Variants in HDAC9 observed in about 807,000 individuals in gnomAD.
HDAC9 encodes histone deacetylase 9, also known as MEF-2 interacting transcription repressor (MITR) protein.
In HDAC9, 41 loss-of-function variants were observed where a neutral mutation model predicts 139.4. The ratio of observed to expected loss-of-function variants is 0.29; its 90% CI spans 0.23 to 0.38. HDAC9 has a LOEUF of 0.38. Among genes scored for constraint, HDAC9 ranks in the 10% least tolerant of loss-of-function variants. HDAC9 has a pLI of 1.00. For synonymous variants in HDAC9, 517 were observed against 476.2 expected (o/e 1.09, Z -1.12); for missense variants, 1,147 against 1,297.0 (o/e 0.88, Z 1.78).
chr7:18,505,123 TTC>T (rs1176293066), intron 2 of HDAC9, among the ~76,000 whole-genome samples: 1 of 152,180 alleles, frequency 6.6e-6, no homozygotes, highest in Non-Finnish European at 1.5e-5. Context: ...GAAACCAAGC[TTC>T]TATGAGCGTG....
At chr7:18,431,873 G>T (rs1433403972) in intron 1 of HDAC9, among the ~76,000 whole-genome samples, 2 of 152,128 alleles carry the variant, frequency 1.3e-5, no homozygotes, top group Non-Finnish European at 2.9e-5. Context: ...TGAGAACTTG[G>T]TATCTGTAGA....
At chr7:18,392,781 T>G (rs1389473408) in intron 1 of HDAC9, among the ~76,000 whole-genome samples, 1 of 152,032 alleles carries the variant, frequency 6.6e-6, no homozygotes, top group Non-Finnish European at 1.5e-5. Flanking sequence ...CAGATATGAT[T>G]TAGACTAGAA....
At chr7:18,536,611 A>G (rs1023272797) in intron 2 of HDAC9, among the ~76,000 whole-genome samples, 1 of 152,224 alleles carries the variant, frequency 6.6e-6, no homozygotes, top group Non-Finnish European at 1.5e-5. Context: ...TCTAGCTAAT[A>G]CATTATGGTT....
intron 24 of HDAC9, among the ~76,000 whole-genome samples, chr7:18,967,444 A>G (rs747774705): frequency 6.6e-6 from 1 of 150,678 alleles, no homozygotes; most frequent in Admixed American, 6.6e-5. Flanking sequence ...TGATTATTCT[A>G]TATTTTTCAT....
At chr7:18,507,170 A>ATATTATTATTATTAG (rs1554448323) in intron 2 of HDAC9, among the ~76,000 whole-genome samples, 9 of 144,326 alleles carry the variant, frequency 6.2e-5, no homozygotes, top group African/African-American at 2.3e-4. Flanking sequence ...TATTCATTAC[A>ATATTATTATTATTAG]TATTATTATT....
chr7:18,619,970 C>G (rs1000496891), intron 6 of HDAC9, among the ~76,000 whole-genome samples: 25 of 152,134 alleles, frequency 1.6e-4, no homozygotes, highest in African/African-American at 5.8e-4. Context: ...ATACCTATCA[C>G]GTGGCACTGA....
At chr7:18,766,362 A>G (rs1250486933) in intron 15 of HDAC9, among the ~76,000 whole-genome samples, 1 of 152,228 alleles carries the variant, frequency 6.6e-6, no homozygotes, top group Non-Finnish European at 1.5e-5. Flanking sequence ...GTACAGGTAA[A>G]CAAAATAATT....
chr7:18,667,079 A>G, intron 12 of HDAC9: 2 of 985,322 alleles, frequency 2.0e-6, no homozygotes, highest in Non-Finnish European at 2.4e-6. Context: ...GTAGGTTGCA[A>G]TTGAACATAT....
intron 24 of HDAC9, among the ~76,000 whole-genome samples, chr7:18,972,754 G>A (rs923284038): frequency 1.3e-5 from 2 of 152,194 alleles, no homozygotes; most frequent in South Asian, 4.1e-4. Context: ...TAATTTACCT[G>A]GTAAAAGGTA....
chr7:18,291,070 C>G lies in HDAC9; in HGVS notation c.-42+555C>G, dbSNP rs531891367. On this transcript the variant is annotated intron_variant, in intron 1 of 3. Transcript: ENST00000413509. ...ACTTCAGAGCCCAGGTTGTGTAATC[C>G]ACACCTCTGTGGTACACTCCCTCCT... Among the ~76,000 whole-genome samples the G allele has an allele frequency of 3.6e-3, 552 of 152,214 alleles. 1 individual carries two copies. Among genetic ancestry groups the G allele is most frequent in the Non-Finnish European group, 6.5e-3 (440 of 68,016 alleles).
intron 1 of HDAC9, among the ~76,000 whole-genome samples, chr7:18,140,327 G>T (rs940100068): frequency 3.9e-5 from 6 of 152,050 alleles, no homozygotes. Flanking sequence ...AGAAGAAATT[G>T]TGGATATTGT....
At position 18,386,168 on chromosome 7, in the gene HDAC9, C is replaced by T. The variant is rs574089544; in HGVS notation, c.-42+95653C>T. 1.7e-4 allele frequency among the ~76,000 whole-genome samples: 26 copies of T among 152,324 alleles called. 1 individual carries two copies. The South Asian group carries it at 5.4e-3, about 32-fold the overall frequency. On this transcript the variant is annotated intron_variant, in intron 1 of 3. Coordinates refer to the HDAC9 transcript ENST00000413509. ...GCTCTCCCCGATCCCCAACTCTGAA[C>T]TCCCATAGATTGCTTGTTTGCACCT...
intron 1 of HDAC9, among the ~76,000 whole-genome samples, chr7:18,401,509 G>A (rs1787539349): frequency 1.3e-5 from 2 of 152,284 alleles, no homozygotes; most frequent in East Asian, 1.9e-4. Flanking sequence ...AAGTGGCAGA[G>A]CTAGGGTATA....
At chr7:18,195,779 G>A (rs1790683004) in intron 2 of HDAC9, among the ~76,000 whole-genome samples, 1 of 151,950 alleles carries the variant, frequency 6.6e-6, no homozygotes, top group Non-Finnish European at 1.5e-5. Flanking sequence ...TATCGTATAT[G>A]GGCTCTCATT....
At position 18,793,357 on chromosome 7, in the gene HDAC9, A is replaced by G; in HGVS notation, c.2227A>G (p.Thr743Ala). The G allele has an allele frequency of 6.3e-7, 1 of 1,574,814 alleles. No homozygotes were observed. The highest frequency in any genetic ancestry group is 8.6e-7 in the Non-Finnish European group (1 of 1,159,742). The change falls in exon 17 of 26, where the codon ACC becomes GCC. Residue 743 changes from threonine to alanine, a missense_variant. Transcript: ENST00000686413. ...PCGGLGVDSD[T>A]IWNELHSSGA... ...ACTGTTTGCTCAGGTGGACAGTGAC[A>G]CCATTTGGAATGAGCTACACTCGTC...
chr7:18,131,643 C>A (rs1182390356), intron 1 of HDAC9, among the ~76,000 whole-genome samples: 4 of 152,040 alleles, frequency 2.6e-5, no homozygotes, highest in Non-Finnish European at 1.5e-5. Context: ...TTTCCTAAGC[C>A]AAAGCTTTGG....
At chr7:18,874,621 C>A in intron 22 of HDAC9, 25 bp downstream of exon 22, 3 of 1,350,782 alleles carry the variant, frequency 2.2e-6, no homozygotes, top group South Asian at 2.5e-5. Flanking sequence ...CAGGACTTTA[C>A]GAAAGGCTCT....
At chr7:18,937,906 C>G (rs912716176) in intron 23 of HDAC9, among the ~76,000 whole-genome samples, 2 of 152,142 alleles carry the variant, frequency 1.3e-5, no homozygotes, top group African/African-American at 4.8e-5. Context: ...TGCTCTTAAC[C>G]CAACATTTCC....
At chr7:18,864,837 GT>G (rs113819329) in intron 21 of HDAC9, among the ~76,000 whole-genome samples, 5,125 of 152,152 alleles carry the variant, frequency 0.034, 267 homozygotes, top group East Asian at 0.13. Flanking sequence ...GGTGGTGATG[GT>G]TGCACAACAG....
Sources: allele counts gnomAD v4.1 joint callset (sites outside exome capture counted in the v4.1 genomes callset), GRCh38; gene constraint gnomAD v4.1.1; transcripts MANE v1.5; gene names NCBI Gene and HGNC (gene_info 2026-07-23, HGNC 2026-07-21).